The following RUNX2 variants were observed in gnomAD, a reference collection of about 807,000 sequenced individuals.
The protein encoded by RUNX2 is RUNX family transcription factor 2.
RUNX2 carries 10 observed loss-of-function variants against 51.7 expected under a neutral mutation model. That is an observed-to-expected ratio of 0.19 (90% CI 0.12 to 0.33). The LOEUF is 0.33. RUNX2 is among the 10% of genes least tolerant of loss of function. RUNX2 has a pLI of 1.00. For synonymous variants in RUNX2, 276 were observed against 273.6 expected (o/e 1.01, Z -0.09); for missense variants, 562 against 691.3 (o/e 0.81, Z 2.10).
chr6:45,446,138 T>C (rs1798991103), intron 5 of RUNX2, among the ~76,000 whole-genome samples: 1 of 152,214 alleles, frequency 6.6e-6, no homozygotes, highest in South Asian at 2.1e-4. Flanking sequence ...CATCCTTTCA[T>C]GGCAAATTAT....
chr6:45,394,199 C>T (rs189991786), intron 2 of RUNX2, among the ~76,000 whole-genome samples: 3 of 152,228 alleles, frequency 2.0e-5, no homozygotes, highest in African/African-American at 7.2e-5. Flanking sequence ...TGAGCCACTG[C>T]GACCAGCTAC....
rs1240139540 is a variant in RUNX2, at chr6:45,549,775, G to A, written c.*2470G>A. ...TTAAAAGGGCTTTTTTAAGTTTACA[G>A]TACACATACCGAGTGACTTTAGGGA... On this transcript the variant is annotated 3_prime_UTR_variant, in exon 9 of 9. Transcript: ENST00000647337. 1 of 157,030 alleles carries A rather than the reference G, an allele frequency of 6.4e-6. No homozygotes were observed. Among genetic ancestry groups the A allele is most frequent in the African/African-American group, 2.4e-5 (1 of 41,676 alleles). 9.7% of individuals were successfully genotyped at this position (157,030 alleles called of 1,614,324 possible). A position where few individuals can be genotyped will look rare whatever the true frequency, so the allele number is the denominator to read the frequency against.
In RUNX2 at chr6:45,350,982, G is replaced by A. The variant is rs185795423; in HGVS notation, c.58+22198G>A. ...GCATTAGATTCTCCGACCCTATAGT[G>A]AACTGCACACGCGAAGGATCTAAGT... On this transcript the variant is annotated intron_variant, in intron 2 of 8. Coordinates refer to ENST00000647337, the MANE Select transcript of RUNX2 (RefSeq NM_001024630.4). Among the ~76,000 whole-genome samples the A allele has an allele frequency of 5.9e-5, 9 of 152,232 alleles. No individual in the cohort carries two copies. In the East Asian group the frequency reaches 1.7e-3, roughly 29 times the overall value.
rs371477270 is a variant in RUNX2, at chr6:45,518,170, G to A, written c.1021+5763G>A. On this transcript the variant is annotated intron_variant, in intron 7 of 8. Transcript: ENST00000647337. ...TGTTTGGTAGACATACTCTGCCACA[G>A]CAGCCACAGGCAAATAATTAAGTTT... 7.9e-5 allele frequency among the ~76,000 whole-genome samples: 12 copies of A among 152,300 alleles called. No individual in the cohort carries two copies. The East Asian group carries it at 1.9e-3, about 24-fold the overall frequency.
chr6:45,381,772 A>G (rs9472477), intron 2 of RUNX2, among the ~76,000 whole-genome samples: 14,942 of 152,260 alleles, frequency 0.098, 1,183 homozygotes, highest in African/African-American at 0.22. Context: ...GAAAAGATGT[A>G]TCAAATATGC....
chr6:45,466,550 A>G (rs1799635170), intron 5 of RUNX2, among the ~76,000 whole-genome samples: 1 of 152,166 alleles, frequency 6.6e-6, no homozygotes, highest in Admixed American at 6.5e-5. Context: ...TTGTGTGATG[A>G]TCTTTCAGGT....
intron 2 of RUNX2, chr6:45,421,573 C>A (rs750402311): frequency 2.0e-5 from 3 of 152,244 alleles, no homozygotes; most frequent in East Asian, 1.9e-4. Context: ...CCTGAAGTTA[C>A]AACGAAAAAT....
chr6:45,500,161 G>GGATATGCTTCACATATCCATTATTTATGT (rs1161409654), intron 6 of RUNX2, among the ~76,000 whole-genome samples: 5 of 152,168 alleles, frequency 3.3e-5, no homozygotes, highest in South Asian at 4.1e-4. Flanking sequence ...ACTAAATAAT[G>GGATATGCTTCACATATCCATTATTTATGT]GATATGCTTC....
At chr6:45,425,159 G>A (rs1798350356) in intron 3 of RUNX2, among the ~76,000 whole-genome samples, 1 of 152,036 alleles carries the variant, frequency 6.6e-6, no homozygotes, top group African/African-American at 2.4e-5. Flanking sequence ...GAAAATATAA[G>A]AACAGATGCT....
intron 5 of RUNX2, among the ~76,000 whole-genome samples, chr6:45,479,292 G>A (rs1800044259): frequency 6.6e-6 from 1 of 152,168 alleles, no homozygotes; most frequent in African/African-American, 2.4e-5. Context: ...AGGTTCTTCG[G>A]TATGTATCAT....
intron 2 of RUNX2, among the ~76,000 whole-genome samples, chr6:45,339,073 T>C (rs1581702337): frequency 6.6e-6 from 1 of 152,328 alleles, no homozygotes; most frequent in East Asian, 1.9e-4. Flanking sequence ...GAAGACATAC[T>C]TGCCATAAAT....
In RUNX2 at chr6:45,492,081, C is replaced by T. The variant is rs755578627; in HGVS notation, c.826C>T (p.Pro276Ser). The T allele has an allele frequency of 3.1e-6, 5 of 1,613,730 alleles. No individual in the cohort carries two copies. The Admixed American group carries it at 5.0e-5, about 16-fold the overall frequency. ...GCCCTCCCTGAACTCTGCACCAAGT[C>T]CTTTTAATCCACAAGGACAGAGTCA... ...PRPSLNSAPS[P>S]FNPQGQSQIT... Residue 276 changes from proline to serine, a missense_variant, in exon 6 of 9, where the codon CCT becomes TCT. Physicochemically the swap from Pro to Ser is moderately conservative, Grantham distance 74. Coordinates refer to ENST00000647337, the MANE Select transcript of RUNX2 (RefSeq NM_001024630.4).
chr6:45,422,788 C>G lies in RUNX2; in HGVS notation c.254C>G (p.Ala85Gly). 1 of 1,494,544 alleles carries G rather than the reference C, an allele frequency of 6.7e-7. No individual in the cohort carries two copies. The highest frequency in any genetic ancestry group is 8.9e-7 in the Non-Finnish European group (1 of 1,129,442). 92.6% of individuals were successfully genotyped at this position (1,494,544 alleles called of 1,614,324 possible). A position where few individuals can be genotyped will look rare whatever the true frequency, so the allele number is the denominator to read the frequency against. ...AAAAAAAAAAAAAAAVPRLRP... is the reference protein window; with the variant it reads ...AAAAAAAAAAGAAAAVPRLRP... ...GCTGCGGCGGCGGCGGCGGCTGCGG[C>G]GGCGGCAGCTGCAGTGCCCCGGTTG... The change falls in exon 3 of 9, where the codon GCG becomes GGG. Residue 85 changes from alanine to glycine, a missense_variant. Ala to Gly is a moderately conservative substitution (Grantham distance 60). This residue lies in a region of RUNX2 where 153 missense variants were observed against 144.8 expected (regional missense o/e 1.06). Coordinates refer to ENST00000647337, the MANE Select transcript of RUNX2 (RefSeq NM_001024630.4).
chr6:45,454,473 T>C (rs1401670464), intron 5 of RUNX2, among the ~76,000 whole-genome samples: 1 of 152,214 alleles, frequency 6.6e-6, no homozygotes, highest in Non-Finnish European at 1.5e-5. Context: ...TTTTGCTAAA[T>C]GCCTCTCTGC....
At chr6:45,408,420 T>A (rs1355890593) in intron 2 of RUNX2, among the ~76,000 whole-genome samples, 2 of 152,082 alleles carry the variant, frequency 1.3e-5, no homozygotes, top group Non-Finnish European at 2.9e-5. Flanking sequence ...CTTAAACCTG[T>A]GTCTGTGGAA....
intron 6 of RUNX2, among the ~76,000 whole-genome samples, chr6:45,503,946 T>C (rs1800876067): frequency 6.6e-6 from 1 of 152,202 alleles, no homozygotes; most frequent in South Asian, 2.1e-4. Context: ...TAATTCTCTC[T>C]TCTCCCATTG....
chr6:45,546,791 C>A, intron 8 of RUNX2, 36 bp from the exon 9 acceptor site: 1 of 1,470,878 alleles, frequency 6.8e-7, no homozygotes, highest in Non-Finnish European at 9.5e-7. Flanking sequence ...TTGATATTTA[C>A]AGATTTTTCC....
At chr6:45,488,168 GAGATAT>G (rs1314440912) in intron 5 of RUNX2, among the ~76,000 whole-genome samples, 2 of 152,168 alleles carry the variant, frequency 1.3e-5, no homozygotes, top group African/African-American at 4.8e-5. Context: ...GAATCGATTT[GAGATAT>G]AGCATTCAGA....
chr6:45,473,905 C>T (rs904302695), intron 5 of RUNX2, among the ~76,000 whole-genome samples: 1 of 152,140 alleles, frequency 6.6e-6, no homozygotes, highest in African/African-American at 2.4e-5. Flanking sequence ...GTTTTCTTTC[C>T]GTTTTCACAA....
Sources: gnomAD v4.1 joint callset for allele counts (sites outside exome capture counted in the v4.1 genomes callset) on GRCh38, gnomAD v4.1.1 for gene constraint, gnomAD v4.1.1 regional missense constraint, MANE v1.5 for transcripts, NCBI Gene and HGNC (gene_info 2026-07-23, HGNC 2026-07-21) for gene names.